The following HRH1 variants were observed in gnomAD, a reference collection of about 807,000 sequenced individuals.
HRH1 encodes histamine H1 receptor.
In HRH1, 6 loss-of-function variants were observed where a neutral mutation model predicts 10.3. The observed-to-expected ratio is 0.58, with a 90% CI of 0.32 to 1.15. HRH1 has a LOEUF of 1.15. Ranked by LOEUF, HRH1 falls within the 50% of genes most tolerant of loss-of-function variation. The pLI, the probability that HRH1 is intolerant of heterozygous loss-of-function variation, is 0.05. For missense variants in HRH1, 514 were observed against 615.3 expected (o/e 0.84, Z 1.74); for synonymous variants, 242 against 236.7 (o/e 1.02, Z -0.21).
chr3:11,179,174 G>T (rs1163174315), intron 1 of HRH1, among the ~76,000 whole-genome samples: 1 of 152,124 alleles, frequency 6.6e-6, no homozygotes, highest in East Asian at 1.9e-4. Flanking sequence ...TATAATCCCA[G>T]CTACTTGGGA....
At chr3:11,234,626 C>T in intron 1 of HRH1, 1 of 1,414,648 alleles carries the variant, frequency 7.1e-7, no homozygotes, top group South Asian at 1.1e-5. Context: ...GTTTCATGGT[C>T]TTCTTTGGTT....
chr3:11,245,228 C>T (rs1324127519), intron 1 of HRH1, among the ~76,000 whole-genome samples: 2 of 152,150 alleles, frequency 1.3e-5, no homozygotes, highest in Non-Finnish European at 2.9e-5. Flanking sequence ...TGCTGCACAC[C>T]TGTAGTCCCA....
At chr3:11,150,346 C>T (rs937332123), upstream of HRH1, among the ~76,000 whole-genome samples, 7 of 152,216 alleles carry the variant, frequency 4.6e-5, no homozygotes, top group African/African-American at 1.7e-4. Context: ...AAGCAGGAAA[C>T]AAATCAAGAG....
At chr3:11,205,628 A>G (rs1938092394) in intron 1 of HRH1, among the ~76,000 whole-genome samples, 1 of 151,598 alleles carries the variant, frequency 6.6e-6, no homozygotes, top group Non-Finnish European at 1.5e-5. Flanking sequence ...TCGCATGGGC[A>G]AGAGCTCTGT....
chr3:11,138,335 C>A (rs1247103538), intron 1 of HRH1, among the ~76,000 whole-genome samples: 1 of 152,008 alleles, frequency 6.6e-6, no homozygotes, highest in Non-Finnish European at 1.5e-5. Context: ...ACAAGGAACT[C>A]TTACAACTCA....
chr3:11,237,757 C>A (rs1334621592), intron 1 of HRH1, among the ~76,000 whole-genome samples: 1 of 142,060 alleles, frequency 7.0e-6, no homozygotes, highest in Non-Finnish European at 1.5e-5. Flanking sequence ...CTCACTGCAA[C>A]CTCTACCTCC....
At position 11,260,236 on chromosome 3, in the gene HRH1, A is replaced by T. The variant is rs780939146; in HGVS notation, c.1199A>T (p.Gln400Leu). Residue 400 changes from glutamine to leucine, a missense_variant, in exon 2 of 2, where the codon CAG becomes CTG. Coordinates refer to ENST00000431010, the MANE Select transcript of HRH1 (RefSeq NM_001098212.2). ...TWKRLRSHSR[Q>L]YVSGLHMNRE... ...AAGAGGCTCCGCTCGCATTCAAGAC[A>T]GTATGTATCTGGGTTGCACATGAAC... The T allele has an allele frequency of 8.7e-6, 14 of 1,614,082 alleles. No individual in the cohort carries two copies. The highest frequency in any genetic ancestry group is 1.3e-5 in the African/African-American group (1 of 74,946).
chr3:11,181,073 A>G (rs532383163), intron 1 of HRH1, among the ~76,000 whole-genome samples: 1 of 151,948 alleles, frequency 6.6e-6, no homozygotes, highest in South Asian at 2.1e-4. Flanking sequence ...GCTTGAGCCC[A>G]GGAGTTCAAG....
chr3:11,151,601 A>T (rs1333088669), upstream of HRH1, among the ~76,000 whole-genome samples: 1 of 152,146 alleles, frequency 6.6e-6, no homozygotes. Context: ...GGGTTCAAGC[A>T]ATCCTCCCTC....
intron 1 of HRH1, among the ~76,000 whole-genome samples, chr3:11,181,579 A>G (rs374141044): frequency 6.8e-6 from 1 of 147,328 alleles, no homozygotes; most frequent in East Asian, 2.0e-4. Flanking sequence ...GGGCTTATTG[A>G]CCATTTATAT....
At chr3:11,157,879 C>G (rs1936846289) in intron 1 of HRH1, among the ~76,000 whole-genome samples, 1 of 152,228 alleles carries the variant, frequency 6.6e-6, no homozygotes, top group Admixed American at 6.5e-5. Context: ...CAATGTCCAA[C>G]AGACATGAGT....
chr3:11,247,484 A>G (rs1939520383), intron 1 of HRH1, among the ~76,000 whole-genome samples: 1 of 152,030 alleles, frequency 6.6e-6, no homozygotes. Context: ...AGCTAATTCG[A>G]TTGGCTAAGG....
chr3:11,184,081 T>TGCTCAGGCAGA, intron 1 of HRH1, among the ~76,000 whole-genome samples: 1 of 152,184 alleles, frequency 6.6e-6, no homozygotes, highest in Middle Eastern at 3.4e-3. Flanking sequence ...ACAGAGCCAG[T>TGCTCAGGCAGA]GCTCAGGCAG....
chr3:11,238,666 G>GT (rs913170125), intron 1 of HRH1, among the ~76,000 whole-genome samples: 1 of 152,174 alleles, frequency 6.6e-6, no homozygotes, highest in African/African-American at 2.4e-5. Context: ...GAACATTTCT[G>GT]TTTTTTCCAA....
Position 11,194,608 on chromosome 3 carries a change from G to C in HRH1, c.-36+40054G>C, listed in dbSNP as rs185162729. Among the ~76,000 whole-genome samples the C allele has an allele frequency of 2.7e-3, 406 of 152,316 alleles. 4 individuals are homozygous for C. The highest frequency in any genetic ancestry group is 5.2e-3 in the Admixed American group (80 of 15,298). ...TTTGGGAGGCTGAGGTGGGTCAGGA[G>C]TTCGAGACCACCCTGGCCAACATGG... On this transcript the variant is annotated intron_variant, in intron 1 of 1. Transcript: ENST00000431010.
chr3:11,209,977 G>A lies in HRH1; in HGVS notation c.-35-49026G>A, dbSNP rs192199584. Among the ~76,000 whole-genome samples the A allele has an allele frequency of 3.9e-5, 6 of 152,302 alleles. No individual in the cohort carries two copies. The East Asian group carries it at 7.7e-4, about 20-fold the overall frequency. ...TCCCAGTGTCAACACAAGTTAGATC[G>A]CATCAAATGCAGTTGTCGTGAGACA... On this transcript the variant is annotated intron_variant, in intron 1 of 1. Coordinates refer to ENST00000431010, the MANE Select transcript of HRH1 (RefSeq NM_001098212.2).
intron 1 of HRH1, among the ~76,000 whole-genome samples, chr3:11,247,365 G>A (rs1263694504): frequency 2.0e-5 from 3 of 152,126 alleles, no homozygotes; most frequent in Non-Finnish European, 4.4e-5. Context: ...CACCAGTCAC[G>A]ATCGCAAGAG....
At chr3:11,242,480 C>CAAAAAAA (rs35809891) in intron 1 of HRH1, among the ~76,000 whole-genome samples, 4 of 50,380 alleles carry the variant, frequency 7.9e-5, no homozygotes, top group Non-Finnish European at 1.4e-4. Context: ...GACTCCGTCT[C>CAAAAAAA]AAAAAAAAAA....
chr3:11,165,979 T>C (rs1188312582), intron 1 of HRH1, among the ~76,000 whole-genome samples: 2 of 152,196 alleles, frequency 1.3e-5, no homozygotes, highest in African/African-American at 4.8e-5. Context: ...TCGTTTCGTT[T>C]GCTCCCCTAA....
Sources: allele counts gnomAD v4.1 joint callset (sites outside exome capture counted in the v4.1 genomes callset), GRCh38; gene constraint gnomAD v4.1.1; transcripts MANE v1.5; gene names NCBI Gene and HGNC (gene_info 2026-07-23, HGNC 2026-07-21).